Variants in COL10A1 observed in about 807,000 individuals in gnomAD.
COL10A1 encodes the protein collagen alpha-1(X) chain.
In COL10A1, 10 loss-of-function variants were observed where a neutral mutation model predicts 18.2. The observed-to-expected ratio is 0.55, with a 90% CI of 0.34 to 0.93. The LOEUF is 0.93. Ranked by LOEUF, COL10A1 falls within the 40% of genes least tolerant of loss-of-function variation. COL10A1 has a pLI of 0.02. For synonymous variants in COL10A1, 330 were observed against 316.6 expected (o/e 1.04, Z -0.45); for missense variants, 897 against 853.5 (o/e 1.05, Z -0.64).
At chr6:116,160,308 T>C (rs1056622306), upstream of COL10A1, among the ~76,000 whole-genome samples, 1 of 152,196 alleles carries the variant, frequency 6.6e-6, no homozygotes, top group East Asian at 1.9e-4. Context: ...TAATAGCTAT[T>C]CTGACTGGTA....
upstream of COL10A1, among the ~76,000 whole-genome samples, chr6:116,128,846 T>C (rs982447268): frequency 3.9e-5 from 6 of 152,220 alleles, no homozygotes; most frequent in African/African-American, 1.4e-4. Context: ...TATAGTCTGA[T>C]ATCAGTGTTC....
chr6:116,146,344 G>C (rs1779897391), intron 1 of COL10A1, among the ~76,000 whole-genome samples: 1 of 152,186 alleles, frequency 6.6e-6, no homozygotes, highest in Admixed American at 6.5e-5. Context: ...TAGACAGCTT[G>C]CTAAATAGAC....
At chr6:116,156,221 G>T (rs73566408) in intron 1 of COL10A1, among the ~76,000 whole-genome samples, 4 of 151,964 alleles carry the variant, frequency 2.6e-5, no homozygotes, top group African/African-American at 9.7e-5. Flanking sequence ...TCTTGTGTTT[G>T]CTCTTCACTT....
At chr6:116,214,208 C>T in the COL10A1 span, among the ~76,000 whole-genome samples, 8 of 152,032 alleles carry the variant, frequency 5.3e-5, no homozygotes, top group Admixed American at 2.6e-4. Flanking sequence ...GAGTATTGCT[C>T]TCAAGGCTCA....
At chr6:116,202,045 A>G in the COL10A1 span, among the ~76,000 whole-genome samples, 1 of 152,028 alleles carries the variant, frequency 6.6e-6, no homozygotes, top group Non-Finnish European at 1.5e-5. Context: ...TGTGGTAGCC[A>G]TTAACCACAT....
At chr6:116,201,805 C>T in the COL10A1 span, among the ~76,000 whole-genome samples, 2 of 151,958 alleles carry the variant, frequency 1.3e-5, no homozygotes, top group East Asian at 3.9e-4. Context: ...TGCACTGAAG[C>T]CTTGGCATGG....
the COL10A1 span, among the ~76,000 whole-genome samples, chr6:116,172,822 C>A: frequency 6.6e-6 from 1 of 151,982 alleles, no homozygotes; most frequent in Non-Finnish European, 1.5e-5. Flanking sequence ...TGAAATTTGA[C>A]CTTTAGGAAA....
In COL10A1 at chr6:116,121,214, G is replaced by A; in HGVS notation, c.902C>T (p.Pro301Leu). ...GPPGPPGFGK[P>L]GLPGLKGERG... The stretch of plus-strand genomic sequence containing the variant: ...TTCTCCCTTCAGGCCTGGCAAGCCT[G>A]GTTTCCCAAAGCCAGGAGGCCCTGG... Residue 301 changes from proline to leucine, a missense_variant, in exon 3 of 3, where the codon CCA becomes CTA. Physicochemically the swap from Pro to Leu is moderately conservative, Grantham distance 98. Transcript: ENST00000651968. 1.2e-6 allele frequency: 2 copies of A among 1,613,648 alleles called. No homozygotes were observed. Among genetic ancestry groups the A allele is most frequent in the Non-Finnish European group, 1.7e-6 (2 of 1,179,852 alleles).
chr6:116,166,145 A>G, the COL10A1 span, among the ~76,000 whole-genome samples: 1 of 152,124 alleles, frequency 6.6e-6, no homozygotes, highest in Non-Finnish European at 1.5e-5. Context: ...GGCGGGATTC[A>G]GAGGTTCTCG....
Position 116,121,931 on chromosome 6 carries a change from G to A in COL10A1, c.185C>T (p.Pro62Leu), listed in dbSNP as rs369056922. 1.2e-6 allele frequency: 2 copies of A among 1,613,348 alleles called. No homozygotes were observed. The highest frequency in any genetic ancestry group is 1.7e-6 in the Non-Finnish European group (2 of 1,180,018). ...GIAVRGEQGT[P>L]GPPGPAGPRG... is the part of the protein sequence containing the mutation. The stretch of plus-strand genomic sequence containing the variant: ...AGGTCCAGCAGGGCCTGGTGGACCA[G>A]GAGTACCTTGCTCTCCTCTTACTGC... The change falls in exon 3 of 3, where the codon CCT becomes CTT. Residue 62 changes from proline (P) to leucine (L), a missense_variant. Pro to Leu is a moderately conservative substitution (Grantham distance 98). Transcript: ENST00000651968.
intron 1 of COL10A1, among the ~76,000 whole-genome samples, chr6:116,137,918 A>G (rs914442900): frequency 2.0e-5 from 3 of 152,076 alleles, no homozygotes; most frequent in Non-Finnish European, 4.4e-5. Context: ...CATCTCTACC[A>G]AAAATACAAA....
At chr6:116,191,267 G>A in the COL10A1 span, among the ~76,000 whole-genome samples, 1 of 151,992 alleles carries the variant, frequency 6.6e-6, no homozygotes, top group Non-Finnish European at 1.5e-5. Flanking sequence ...AAACTCCAAG[G>A]ACAAGTTGCT....
the COL10A1 span, among the ~76,000 whole-genome samples, chr6:116,216,625 A>G: frequency 6.6e-6 from 1 of 151,876 alleles, no homozygotes; most frequent in Non-Finnish European, 1.5e-5. Context: ...TACACAATCT[A>G]GATATTCTAG....
At position 116,120,642 on chromosome 6, in the gene COL10A1, G is replaced by A; in HGVS notation, c.1474C>T (p.Pro492Ser). 3 of 1,548,300 alleles carry A rather than the reference G, an allele frequency of 1.9e-6. No homozygotes were observed. Among genetic ancestry groups the A allele is most frequent in the Non-Finnish European group, 2.6e-6 (3 of 1,155,458 alleles). The change falls in exon 3 of 3, where the codon CCA (proline) becomes TCA (serine). Residue 492 changes from proline to serine, a missense_variant. By Grantham distance (74) the Pro-to-Ser change is moderately conservative. Coordinates refer to ENST00000651968, the MANE Select transcript of COL10A1 (RefSeq NM_000493.4). ...TGGCCTCTTGGACCTGGAGGCCCTG[G>A]TGGCCCGGTGGGTCCATTGAGGCCC... ...TKGLNGPTGP[P>S]GPPGPRGHSG... is the part of the protein sequence containing the mutation.
chr6:116,180,144 C>A, the COL10A1 span, among the ~76,000 whole-genome samples: 1 of 151,826 alleles, frequency 6.6e-6, no homozygotes, highest in African/African-American at 2.4e-5. Context: ...TTATTAAGGG[C>A]ATATATTATT....
chr6:116,205,485 G>A, the COL10A1 span, among the ~76,000 whole-genome samples: 68 of 151,906 alleles, frequency 4.5e-4, no homozygotes, highest in African/African-American at 1.6e-3. Flanking sequence ...GAACTTAACT[G>A]AGTCAGCAGC....
rs1408050432 is a variant in COL10A1 at position 116,120,190 on chromosome 6, G to A, written c.1926C>T (p.Ile642=). Residue 642 remains isoleucine (I), a synonymous_variant, in exon 3 of 3, where the codon ATC becomes ATT. Coordinates refer to ENST00000651968, the MANE Select transcript of COL10A1 (RefSeq NM_000493.4). ...ACACCTGGTCATTTTCTGTGAGATC[G>A]ATGATGGCACTCCCTGAAGCCTGAT... ...YLDQASGSAI[I]DLTENDQVWL... is the part of the protein sequence containing the mutation. The A allele has an allele frequency of 8.1e-6, 13 of 1,614,138 alleles. No homozygotes were observed. Among genetic ancestry groups the A allele is most frequent in the Admixed American group, 1.7e-5 (1 of 60,020 alleles).
At chr6:116,178,090 CGCGCGCGCGCGCGTGCGTGCGTGT>C in the COL10A1 span, among the ~76,000 whole-genome samples, 1 of 103,572 alleles carries the variant, frequency 9.7e-6, no homozygotes, top group African/African-American at 5.3e-5. Context: ...TGTGTGTGTG[CGCGCGCGCGCGCGTGCGTGCGTGT>C]GTGTGTGTGT....
Position 116,120,464 on chromosome 6 carries a change from A to G in COL10A1, c.1652T>C (p.Val551Ala). The G allele has an allele frequency of 6.8e-6, 11 of 1,614,276 alleles. No individual in the cohort carries two copies. Among genetic ancestry groups the G allele is most frequent in the Non-Finnish European group, 9.3e-6 (11 of 1,180,052 alleles). ...SANQGVTGMP[V>A]SAFTVILSKA... is the part of the protein sequence containing the mutation. ...GGAGAGAATAACAGTAAAAGCAGAC[A>G]CAGGCATTCCTGTTACCCCCTGGTT... Residue 551 changes from valine (V) to alanine (A), a missense_variant, in exon 3 of 3, where the codon GTG (valine) becomes GCG (alanine). Physicochemically the swap from Val to Ala is moderately conservative, Grantham distance 64. Coordinates refer to ENST00000651968, the MANE Select transcript of COL10A1 (RefSeq NM_000493.4).
Sources: allele counts gnomAD v4.1 joint callset (sites outside exome capture counted in the v4.1 genomes callset), GRCh38; gene constraint gnomAD v4.1.1; transcripts MANE v1.5; gene names NCBI Gene and HGNC (gene_info 2026-07-23, HGNC 2026-07-21).